TEK: variants seen among roughly 807,000 people sequenced by gnomAD.
The protein encoded by TEK is angiopoietin-1 receptor.
In TEK, 43 loss-of-function variants were observed where a neutral mutation model predicts 131.8. The observed-to-expected ratio is 0.33, with a 90% CI of 0.26 to 0.42. The LOEUF is 0.42. Ranked by LOEUF, TEK falls within the 10% of genes least tolerant of loss-of-function variation. TEK has a pLI of 1.00. For synonymous variants in TEK, 580 were observed against 491.6 expected, an observed-to-expected ratio of 1.18 and a Z score of -2.38; for missense variants, 1,162 against 1,384.4, an observed-to-expected ratio of 0.84 and a Z score of 2.55.
At chr9:27,160,882 T>C (rs1273032511) in intron 2 of TEK, among the ~76,000 whole-genome samples, 1 of 152,212 alleles carries the variant, frequency 6.6e-6, no homozygotes, top group East Asian at 1.9e-4. Flanking sequence ...CTATCATGGC[T>C]GAAAGTCAGC....
chr9:27,173,480 A>AC (rs1824042189), intron 6 of TEK, 118 bp downstream of exon 6: 1 of 1,258,378 alleles, frequency 7.9e-7, no homozygotes, highest in South Asian at 1.2e-5. Flanking sequence ...CCACTACTGG[A>AC]CAACAGGATT....
chr9:27,197,559 G>C lies in TEK; in HGVS notation c.1869G>C (p.Gly623=). ...VRARVNTKAQ[G]EWSEDLTAWT... ...CTAGAGTCAACACCAAGGCCCAGGG[G>C]GAATGGAGTGAAGATCTCACTGCTT... Residue 623 remains glycine, a synonymous_variant, in exon 12 of 23, where the codon GGG becomes GGC. Transcript: ENST00000380036. 2 of 1,614,036 alleles carry C rather than the reference G, an allele frequency of 1.2e-6. No individual in the cohort carries two copies. Among genetic ancestry groups the C allele is most frequent in the Non-Finnish European group, 1.7e-6 (2 of 1,179,994 alleles).
intron 2 of TEK, among the ~76,000 whole-genome samples, chr9:27,159,548 C>G (rs1389952065): frequency 2.6e-5 from 4 of 152,116 alleles, no homozygotes; most frequent in Non-Finnish European, 4.4e-5. Context: ...TCAGAAAACA[C>G]CAGAATTTTG....
In TEK at chr9:27,202,876, G is replaced by A. The variant is rs915911279; in HGVS notation, c.1966G>A (p.Val656Met). ...TTCCAACATTACACACTCCTCAGCT[G>A]TGATTTCTTGGACAATATTGGATGG... ...KISNITHSSA[V>M]ISWTILDGYS... The change falls in exon 13 of 23, where the codon GTG becomes ATG. Residue 656 changes from valine (V) to methionine (M), a missense_variant. Val to Met is a conservative substitution (Grantham distance 21). Around this residue, in one of 6 missense-constraint regions of TEK, gnomAD observed 477 missense variants for 471.0 expected, o/e 1.01. Transcript: ENST00000380036. The A allele has an allele frequency of 6.2e-7, 1 of 1,614,138 alleles. No homozygotes were observed. The highest frequency in any genetic ancestry group is 1.6e-4 in the Middle Eastern group (1 of 6,062).
At chr9:27,173,624 A>G (rs1282498507) in intron 6 of TEK, among the ~76,000 whole-genome samples, 1 of 151,750 alleles carries the variant, frequency 6.6e-6, no homozygotes, top group East Asian at 1.9e-4. Context: ...GTAGGCATGG[A>G]CTGGGGCCCG....
chr9:27,185,552 C>T lies in TEK; in HGVS notation c.1250C>T (p.Pro417Leu). Residue 417 changes from proline (P) to leucine (L), a missense_variant, in exon 9 of 23, where the codon CCT becomes CTT. Physicochemically the swap from Pro to Leu is moderately conservative, Grantham distance 98 (BLOSUM62 -3). Transcript: ENST00000380036. The part of the protein sequence containing the change: ...AIFTIHRILP[P>L]DSGVWVCSVN... Reference sequence around the variant, plus strand: ...TTCACCATCCACCGGATCCTCCCCCCTGACTCAGGAGTTTGGGTCTGCAGT... The same window carrying T: ...TTCACCATCCACCGGATCCTCCCCCTTGACTCAGGAGTTTGGGTCTGCAGT... 2 of 1,613,886 alleles carry T rather than the reference C, an allele frequency of 1.2e-6. No individual in the cohort carries two copies. Among genetic ancestry groups the T allele is most frequent in the Non-Finnish European group, 1.7e-6 (2 of 1,179,840 alleles).
At chr9:27,187,786 G>C (rs1460741871) in intron 9 of TEK, among the ~76,000 whole-genome samples, 1 of 151,942 alleles carries the variant, frequency 6.6e-6, no homozygotes, top group Non-Finnish European at 1.5e-5. Flanking sequence ...ATCTTCACAG[G>C]GAGATTAAAT....
chr9:27,138,151 G>A (rs909452156), intron 1 of TEK, among the ~76,000 whole-genome samples: 1 of 152,240 alleles, frequency 6.6e-6, no homozygotes, highest in African/African-American at 2.4e-5. Context: ...CATAAAGGTA[G>A]TGCAGACCCA....
In TEK at chr9:27,141,652, T is replaced by C. The variant is rs114095679; in HGVS notation, c.53-16179T>C. Among the ~76,000 whole-genome samples the C allele has an allele frequency of 2.1e-3, 314 of 152,332 alleles. 2 individuals carry two copies. The highest frequency in any genetic ancestry group is 7.5e-3 in the African/African-American group (310 of 41,574). On this transcript the variant is annotated intron_variant, in intron 1 of 22. Coordinates refer to ENST00000380036, the MANE Select transcript of TEK (RefSeq NM_000459.5). The stretch of plus-strand genomic sequence containing the variant: ...TCTATTGACTACTTGGTTAGCACTG[T>C]AGTTACAATTTTTAAAAAATATTTT...
chr9:27,132,282 T>A (rs1476304523), intron 1 of TEK, among the ~76,000 whole-genome samples: 1 of 152,034 alleles, frequency 6.6e-6, no homozygotes, highest in East Asian at 1.9e-4. Context: ...GAGACGGGGT[T>A]TCACCATGTT....
chr9:27,180,188 T>C (rs1219804372), intron 6 of TEK, 52 bp from the exon 7 acceptor site: 1 of 1,612,154 alleles, frequency 6.2e-7, no homozygotes, highest in East Asian at 2.2e-5. Flanking sequence ...GCAGTCTTAG[T>C]TTCCTCTCTT....
chr9:27,135,894 G>A (rs1236499757), intron 1 of TEK, among the ~76,000 whole-genome samples: 1 of 152,150 alleles, frequency 6.6e-6, no homozygotes, highest in Non-Finnish European at 1.5e-5. Context: ...AATGTGCAGA[G>A]CCCAAGTCAC....
At chr9:27,145,314 CT>C (rs1822873875) in intron 1 of TEK, among the ~76,000 whole-genome samples, 1 of 152,196 alleles carries the variant, frequency 6.6e-6, no homozygotes, top group South Asian at 2.1e-4. Flanking sequence ...TTCCTTAGCT[CT>C]TGATCGGCCT....
intron 11 of TEK, 43 bp downstream of exon 11, chr9:27,192,666 AG>A: frequency 2.1e-6 from 2 of 971,474 alleles, no homozygotes; most frequent in Non-Finnish European, 2.7e-6. Flanking sequence ...GCTGGGTGGG[AG>A]GGGGAGGAAG....
intron 18 of TEK, among the ~76,000 whole-genome samples, chr9:27,214,449 A>T (rs1160947829): frequency 2.6e-5 from 4 of 152,190 alleles, no homozygotes; most frequent in Admixed American, 1.3e-4. Context: ...TCCAGTTGTC[A>T]TAAGATATAG....
In TEK at chr9:27,185,586, A is replaced by G; in HGVS notation, c.1284A>G (p.Thr428=). ...GAGTTTGGGTCTGCAGTGTGAACAC[A>G]GTGGCTGGGATGGTGGAAAAGCCCT... ...DSGVWVCSVN[T]VAGMVEKPFN... The change falls in exon 9 of 23, where the codon ACA becomes ACG. Residue 428 remains threonine (T), a synonymous_variant. Coordinates refer to ENST00000380036, the MANE Select transcript of TEK (RefSeq NM_000459.5). 1 of 1,613,840 alleles carries G rather than the reference A, an allele frequency of 6.2e-7. No homozygotes were observed. The highest frequency in any genetic ancestry group is 8.5e-7 in the Non-Finnish European group (1 of 1,179,804).
intron 21 of TEK, among the ~76,000 whole-genome samples, chr9:27,227,803 A>ATGAC (rs1826397194): frequency 6.6e-6 from 1 of 152,106 alleles, no homozygotes; most frequent in Non-Finnish European, 1.5e-5. Flanking sequence ...TTTGTTTTTA[A>ATGAC]TGACAGTGCT....
At chr9:27,183,029 T>C (rs1824448908) in intron 7 of TEK, among the ~76,000 whole-genome samples, 1 of 152,230 alleles carries the variant, frequency 6.6e-6, no homozygotes, top group Non-Finnish European at 1.5e-5. Context: ...AGCAATACCA[T>C]GGGGTTATTT....
chr9:27,121,895 A>G (rs1467837391), intron 1 of TEK, among the ~76,000 whole-genome samples: 2 of 152,188 alleles, frequency 1.3e-5, no homozygotes, highest in African/African-American at 4.8e-5. Flanking sequence ...TGGGCGTGTA[A>G]TTAATGCTAT....
Sources: gnomAD v4.1 joint callset for allele counts (sites outside exome capture counted in the v4.1 genomes callset) on GRCh38, gnomAD v4.1.1 for gene constraint, gnomAD v4.1.1 regional missense constraint, MANE v1.5 for transcripts, NCBI Gene and HGNC (gene_info 2026-07-23, HGNC 2026-07-21) for gene names.